The following SPATC1L variants were observed in gnomAD, a reference collection of about 807,000 sequenced individuals.
SPATC1L encodes spermatogenesis and centriole associated 1 like.
Under a neutral mutation model 21.2 loss-of-function variants are expected in SPATC1L, and 20 were observed. That is an observed-to-expected ratio of 0.94 (90% confidence interval 0.66 to 1.37). SPATC1L has a LOEUF of 1.37. Ranked by LOEUF, SPATC1L falls within the 40% of genes most tolerant of loss-of-function variation. SPATC1L has a pLI of 0.00. For missense variants in SPATC1L, 499 were observed against 478.7 expected, an observed-to-expected ratio of 1.04 and a Z score of -0.40; for synonymous variants, 290 against 234.5, an observed-to-expected ratio of 1.24 and a Z score of -2.16.
intron 2 of SPATC1L, among the ~76,000 whole-genome samples, chr21:46,182,049 C>A (rs1251199221): frequency 6.6e-6 from 1 of 152,218 alleles, no homozygotes; most frequent in Non-Finnish European, 1.5e-5. Flanking sequence ...TGGATCATGG[C>A]TCCACACTCC....
intron 3 of SPATC1L, among the ~76,000 whole-genome samples, chr21:46,165,415 G>T (rs1223416009): frequency 1.3e-5 from 2 of 152,182 alleles, no homozygotes; most frequent in African/African-American, 2.4e-5. Flanking sequence ...TGACTGTCTT[G>T]CACAGAGATG....
At chr21:46,176,726 A>G (rs952203534) in intron 2 of SPATC1L, among the ~76,000 whole-genome samples, 5 of 152,242 alleles carry the variant, frequency 3.3e-5, no homozygotes, top group African/African-American at 1.2e-4. Context: ...TATAGAGTCA[A>G]TGCTGTTCTT....
At chr21:46,168,888 C>T (rs540345533) in intron 2 of SPATC1L, among the ~76,000 whole-genome samples, 8 of 152,312 alleles carry the variant, frequency 5.3e-5, no homozygotes, top group East Asian at 3.9e-4. Context: ...GGGAGCACTG[C>T]GTCTATGGGC....
intron 3 of SPATC1L, among the ~76,000 whole-genome samples, chr21:46,167,706 T>G (rs1568998699): frequency 6.6e-6 from 1 of 152,184 alleles, no homozygotes; most frequent in South Asian, 2.1e-4. Context: ...CATACACCTG[T>G]AGTCCCAGAT....
chr21:46,161,418 C>T lies in SPATC1L; in HGVS notation c.984G>A (p.Glu328=). 1.3e-6 allele frequency: 2 copies of T among 1,559,014 alleles called. No individual in the cohort carries two copies. Among genetic ancestry groups the T allele is most frequent in the Non-Finnish European group, 1.7e-6 (2 of 1,154,152 alleles). The change falls in exon 5 of 5, where the codon GAG becomes GAA. Residue 328 remains glutamate (E), a synonymous_variant. Transcript: ENST00000291672. ...GGGGCTTGCCGTCCTCCTTGGAGAG[C>T]TCGCACAGGCAGTTGAGCAGCAGCA... ...DSLLLLNCLC[E]LSKEDGKPLF... is the part of the protein sequence containing the mutation.
chr21:46,167,348 A>G (rs947685815), intron 3 of SPATC1L, among the ~76,000 whole-genome samples: 23 of 149,596 alleles, frequency 1.5e-4, no homozygotes, highest in Admixed American at 1.5e-3. Context: ...AAAAAAGTAG[A>G]AAAACTTCAA....
intron 2 of SPATC1L, among the ~76,000 whole-genome samples, chr21:46,181,479 C>T (rs78624454): frequency 0.026 from 3,960 of 152,320 alleles, 108 homozygotes; most frequent in South Asian, 0.08. Flanking sequence ...CAGACACGCT[C>T]GCTCTCAGGC....
chr21:46,182,945 G>T lies in SPATC1L; in HGVS notation c.-129C>A. The T allele has an allele frequency of 1.0e-6, 1 of 952,440 alleles. No homozygotes were observed. 59.0% of individuals were successfully genotyped at this position (952,440 alleles called of 1,614,324 possible). A position where few individuals can be genotyped will look rare whatever the true frequency, so the allele number is the denominator to read the frequency against. ...TAGCCACCACCGCCTTCCACGCCTT[G>T]TGATGTCACTGCCCTAGTGATGAGG... On this transcript the variant is annotated 5_prime_UTR_variant, in exon 2 of 5. Coordinates refer to ENST00000291672, the MANE Select transcript of SPATC1L (RefSeq NM_001142854.2).
Position 46,161,955 on chromosome 21 carries a change from G to C in SPATC1L, c.657C>G (p.Tyr219Ter), listed in dbSNP as rs139199473. The C allele has an allele frequency of 1.6e-5, 25 of 1,607,912 alleles. No individual in the cohort carries two copies. The South Asian group carries it at 2.6e-4, about 17-fold the overall frequency. Residue 219 changes from tyrosine to a stop codon, truncating the protein, a stop_gained, in exon 4 of 5, where the codon TAC becomes TAG. Transcript: ENST00000291672. LOFTEE classifies it low-confidence loss of function (END_TRUNC). The part of the protein sequence containing the change: ...AYVFPGVTRL[Y>*]GFTVANIPEK... ...CGGGGATGTTGGCCACCGTGAAGCC[G>C]TAGAGCCGCGTCACGCCCGGGAACA...
chr21:46,172,480 A>T (rs1385912233), intron 2 of SPATC1L, among the ~76,000 whole-genome samples: 1 of 152,250 alleles, frequency 6.6e-6, no homozygotes, highest in Non-Finnish European at 1.5e-5. Context: ...AAATAAGAAC[A>T]GGAAGGACTC....
intron 3 of SPATC1L, among the ~76,000 whole-genome samples, chr21:46,164,919 C>G (rs1042921548): frequency 2.6e-5 from 4 of 152,090 alleles, no homozygotes; most frequent in African/African-American, 9.6e-5. Context: ...GATTTCTAGT[C>G]CAACCTGGGC....
rs2079484231 is a variant in SPATC1L at position 46,161,308 on chromosome 21, G to T, written c.*71C>A. ...GGCCCTTTCCCCTCCGGGGGGACGC[G>T]CAGGAGGCACCGCGGCCCCGGGTTG... On this transcript the variant is annotated 3_prime_UTR_variant, in exon 5 of 5. Transcript: ENST00000291672. 15 of 1,376,768 alleles carry T rather than the reference G, an allele frequency of 1.1e-5. No homozygotes were observed. The highest frequency in any genetic ancestry group is 2.9e-5 in the Admixed American group (1 of 34,472). The allele number at this position is 1,376,768 out of a possible 1,614,324, so 85.3% of individuals were successfully genotyped here. A position where few individuals can be genotyped will look rare whatever the true frequency, so the allele number is the denominator to read the frequency against.
At position 46,168,398 on chromosome 21, in the gene SPATC1L, G is replaced by T. The variant is rs1350801405; in HGVS notation, c.454C>A (p.Pro152Thr). Residue 152 changes from proline (P) to threonine (T), a missense_variant, in exon 3 of 5, where the codon CCC becomes ACC. Coordinates refer to ENST00000291672, the MANE Select transcript of SPATC1L (RefSeq NM_001142854.2). ...TTCTTAGGCCGGACCATCTCCCTGGGCTCCAGCAGGGTCTTGTCCACCAGT... is the reference window on the plus strand; with the variant it reads ...TTCTTAGGCCGGACCATCTCCCTGGTCTCCAGCAGGGTCTTGTCCACCAGT... ...DSLVDKTLLE[P>T]REMVRPKKVC... is the part of the protein sequence containing the mutation. 1 of 1,612,966 alleles carries T rather than the reference G, an allele frequency of 6.2e-7. No individual in the cohort carries two copies.
At chr21:46,182,088 T>C (rs2079678799) in intron 2 of SPATC1L, among the ~76,000 whole-genome samples, 1 of 152,162 alleles carries the variant, frequency 6.6e-6, no homozygotes, top group Non-Finnish European at 1.5e-5. Context: ...CGCCCACTTG[T>C]CCCTACCTGC....
intron 1 of SPATC1L, among the ~76,000 whole-genome samples, 191 bp downstream of exon 1, chr21:46,184,165 G>A (rs1201374350): frequency 6.6e-6 from 1 of 152,158 alleles, no homozygotes; most frequent in Admixed American, 6.5e-5. Flanking sequence ...GACACCAATT[G>A]TTCCTGACTG....
intron 2 of SPATC1L, among the ~76,000 whole-genome samples, chr21:46,173,435 G>A (rs1315091822): frequency 6.6e-6 from 1 of 152,128 alleles, no homozygotes; most frequent in African/African-American, 2.4e-5. Flanking sequence ...ACATCACTCT[G>A]CTGATGTCTG....
chr21:46,167,995 A>G (rs2079552493), intron 3 of SPATC1L, among the ~76,000 whole-genome samples: 1 of 152,238 alleles, frequency 6.6e-6, no homozygotes, highest in African/African-American at 2.4e-5. Flanking sequence ...AAACATTATT[A>G]TGAAAATGAA....
chr21:46,164,194 G>T (rs984385749), intron 3 of SPATC1L, among the ~76,000 whole-genome samples: 1 of 152,054 alleles, frequency 6.6e-6, no homozygotes, highest in African/African-American at 2.4e-5. Context: ...TGGGGGGTTG[G>T]TAGAGATGGG....
chr21:46,176,910 C>T (rs552784068), intron 2 of SPATC1L, among the ~76,000 whole-genome samples: 1 of 152,020 alleles, frequency 6.6e-6, no homozygotes, highest in Admixed American at 6.5e-5. Flanking sequence ...ACCAAAACAG[C>T]ACGGTACATA....
Sources: allele counts gnomAD v4.1 joint callset (sites outside exome capture counted in the v4.1 genomes callset), GRCh38; gene constraint gnomAD v4.1.1; transcripts MANE v1.5; gene names NCBI Gene and HGNC (gene_info 2026-07-23, HGNC 2026-07-21).